The following CPED1 variants were observed in gnomAD, a reference collection of about 807,000 sequenced individuals.
The protein encoded by CPED1 is cadherin like and PC-esterase domain containing 1.
A neutral mutation model predicts 128.2 loss-of-function variants in CPED1; 114 were observed. The ratio of observed to expected loss-of-function variants is 0.89; its 90% CI spans 0.76 to 1.04. The LOEUF (loss-of-function observed/expected upper bound fraction) is 1.04. CPED1 is among the 50% of genes least tolerant of loss of function. The pLI is 0.00. For synonymous variants in CPED1, 462 were observed against 426.7 expected (o/e 1.08, Z -1.02); for missense variants, 1,211 against 1,207.1 (o/e 1.00, Z -0.05).
intron 16 of CPED1, among the ~76,000 whole-genome samples, chr7:121,163,823 A>C (rs1796464617): frequency 6.6e-6 from 1 of 152,182 alleles, no homozygotes; most frequent in Non-Finnish European, 1.5e-5. Flanking sequence ...TCTCATACCC[A>C]TAGCTCTCCA....
chr7:121,260,383 G>A (rs906152193), intron 18 of CPED1, among the ~76,000 whole-genome samples: 6 of 151,760 alleles, frequency 4.0e-5, no homozygotes, highest in Non-Finnish European at 5.9e-5. Flanking sequence ...TATTGTAACC[G>A]CATCACATTT....
intron 18 of CPED1, among the ~76,000 whole-genome samples, chr7:121,248,451 T>C (rs1798590100): frequency 6.6e-6 from 1 of 152,140 alleles, no homozygotes; most frequent in African/African-American, 2.4e-5. Context: ...CTACAGAGCA[T>C]GGCTGCAAAC....
At chr7:121,167,949 G>A (rs531634130) in intron 16 of CPED1, among the ~76,000 whole-genome samples, 95 of 152,050 alleles carry the variant, frequency 6.2e-4, no homozygotes, top group African/African-American at 2.1e-3. Context: ...TAGCCAGGAT[G>A]GTCTCGATCT....
At chr7:121,060,220 C>A (rs1302205902) in intron 4 of CPED1, among the ~76,000 whole-genome samples, 2 of 152,226 alleles carry the variant, frequency 1.3e-5, no homozygotes, top group Admixed American at 6.5e-5. Context: ...AGCCTCCCAC[C>A]CCCTCCGTGG....
intron 18 of CPED1, among the ~76,000 whole-genome samples, chr7:121,260,370 AT>A (rs1791987747): frequency 6.6e-6 from 1 of 151,730 alleles, no homozygotes; most frequent in Non-Finnish European, 1.5e-5. Flanking sequence ...ATTGGAAAAC[AT>A]TTATTGTAAC....
chr7:121,264,912 T>G (rs1431458978), intron 18 of CPED1, among the ~76,000 whole-genome samples: 3 of 152,056 alleles, frequency 2.0e-5, no homozygotes, highest in Admixed American at 2.0e-4. Context: ...TGACCTCAAA[T>G]ATTTCTTGAT....
intron 16 of CPED1, among the ~76,000 whole-genome samples, chr7:121,159,023 A>G (rs963440693): frequency 3.9e-5 from 6 of 151,954 alleles, no homozygotes; most frequent in Non-Finnish European, 8.8e-5. Flanking sequence ...TAAAGTGCCA[A>G]CCCCCCGAAA....
At chr7:121,278,261 C>T (rs999498322) in intron 22 of CPED1, among the ~76,000 whole-genome samples, 5 of 152,004 alleles carry the variant, frequency 3.3e-5, no homozygotes, top group Non-Finnish European at 7.4e-5. Flanking sequence ...AAATACAGGA[C>T]AAAGAAGGAC....
At chr7:121,268,885 G>C (rs760716885) in intron 21 of CPED1, among the ~76,000 whole-genome samples, 1 of 151,862 alleles carries the variant, frequency 6.6e-6, no homozygotes, top group Non-Finnish European at 1.5e-5. Flanking sequence ...CACTAGACTG[G>C]GTTGGCTGCT....
chr7:121,019,891 T>G (rs894284828), intron 3 of CPED1, among the ~76,000 whole-genome samples: 51 of 152,036 alleles, frequency 3.4e-4, no homozygotes, highest in African/African-American at 1.2e-3. Flanking sequence ...AAGTGCTGTT[T>G]AGTAAATCAA....
At chr7:121,031,369 T>C (rs1358476354) in intron 3 of CPED1, among the ~76,000 whole-genome samples, 1 of 152,120 alleles carries the variant, frequency 6.6e-6, no homozygotes, top group Non-Finnish European at 1.5e-5. Context: ...TGGAGGGCAG[T>C]GGCGTGATCC....
At chr7:121,002,213 G>A (rs1381375917) in intron 2 of CPED1, among the ~76,000 whole-genome samples, 1 of 152,086 alleles carries the variant, frequency 6.6e-6, no homozygotes, top group Non-Finnish European at 1.5e-5. Context: ...AATAGCTACA[G>A]CCCTAAGCCT....
chr7:121,044,648 C>CT (rs35159862), intron 3 of CPED1, among the ~76,000 whole-genome samples: 5 of 69,534 alleles, frequency 7.2e-5, no homozygotes, highest in Admixed American at 4.1e-4. Context: ...TGACTTTCTG[C>CT]TCTTTTTTTT....
In CPED1 at chr7:121,225,410, A is replaced by G. The variant is rs1797982019; in HGVS notation, c.2056-11304A>G. On this transcript the variant is annotated intron_variant, in intron 16 of 22. Coordinates refer to ENST00000310396, the MANE Select transcript of CPED1 (RefSeq NM_024913.5). ...ACCTTTCTCTCTGGCTGCCCTTAAC[A>G]TTTTTTCCTTCATTTCAACCTTGGT... Among the ~76,000 whole-genome samples, 3 of 151,854 alleles carry G rather than the reference A, an allele frequency of 2.0e-5. No individual in the cohort carries two copies. The South Asian group carries it at 6.3e-4, about 32-fold the overall frequency.
intron 16 of CPED1, among the ~76,000 whole-genome samples, chr7:121,194,016 CTCTCTCTATA>C (rs1468794002): frequency 6.4e-4 from 45 of 70,800 alleles, no homozygotes; most frequent in Non-Finnish European, 1.0e-3. Context: ...CTCTCTCTCT[CTCTCTCTATA>C]TATATATATA....
intron 5 of CPED1, among the ~76,000 whole-genome samples, chr7:121,069,574 T>C (rs1283446990): frequency 6.6e-6 from 1 of 152,104 alleles, no homozygotes; most frequent in East Asian, 1.9e-4. Context: ...AGCCAGAGTG[T>C]ACCTGACATT....
intron 3 of CPED1, among the ~76,000 whole-genome samples, chr7:121,037,802 A>G (rs907494704): frequency 5.3e-5 from 8 of 152,026 alleles, no homozygotes; most frequent in African/African-American, 1.9e-4. Flanking sequence ...TATGTCATCT[A>G]TGATTTCTTT....
intron 2 of CPED1, chr7:120,993,932 T>G (rs1161669674): frequency 3.1e-6 from 1 of 323,180 alleles, no homozygotes; most frequent in Admixed American, 3.5e-5. Context: ...GGGCAGCCAC[T>G]AGAGAAGCTC....
At chr7:121,205,436 A>T (rs1425181558) in intron 16 of CPED1, among the ~76,000 whole-genome samples, 1 of 151,812 alleles carries the variant, frequency 6.6e-6, no homozygotes, top group African/African-American at 2.4e-5. Context: ...TCACTCCTCA[A>T]TTGATATTTA....
Sources: gnomAD v4.1 joint callset for allele counts (sites outside exome capture counted in the v4.1 genomes callset) on GRCh38, gnomAD v4.1.1 for gene constraint, MANE v1.5 for transcripts, NCBI Gene and HGNC (gene_info 2026-07-23, HGNC 2026-07-21) for gene names.